PLEKHG7: variants seen among roughly 807,000 people sequenced by gnomAD.
PLEKHG7 encodes pleckstrin homology and RhoGEF domain containing G7.
A neutral mutation model predicts 85.2 loss-of-function variants in PLEKHG7; 77 were observed. The ratio of observed to expected loss-of-function variants is 0.90; its 90% CI spans 0.75 to 1.09. PLEKHG7 has a LOEUF of 1.09. Ranked by LOEUF, PLEKHG7 falls within the 50% of genes least tolerant of loss-of-function variation. The pLI is 0.00. For synonymous variants in PLEKHG7, 301 were observed against 302.4 expected, an observed-to-expected ratio of 1.00 and a Z score of 0.05; for missense variants, 777 against 804.3, an observed-to-expected ratio of 0.97 and a Z score of 0.41.
intron 5 of PLEKHG7, among the ~76,000 whole-genome samples, chr12:92,733,425 A>C (rs1222792260): frequency 6.6e-6 from 1 of 152,150 alleles, no homozygotes; most frequent in Admixed American, 6.5e-5. Flanking sequence ...TTTTTTTCCC[A>C]AAAATAAAAC....
At chr12:92,739,061 CAAA>C (rs1252477744) in intron 7 of PLEKHG7, among the ~76,000 whole-genome samples, 2 of 152,144 alleles carry the variant, frequency 1.3e-5, no homozygotes, top group Non-Finnish European at 2.9e-5. Flanking sequence ...CAAAACAAAA[CAAA>C]ACAACATTTC....
At chr12:92,704,374 T>C (rs1305819651) in intron 1 of PLEKHG7, among the ~76,000 whole-genome samples, 1 of 152,206 alleles carries the variant, frequency 6.6e-6, no homozygotes, top group East Asian at 1.9e-4. Flanking sequence ...TGTACCTTAT[T>C]TTATCAATGG....
At chr12:92,748,407 T>A (rs1287386547) in intron 10 of PLEKHG7, among the ~76,000 whole-genome samples, 1 of 152,088 alleles carries the variant, frequency 6.6e-6, no homozygotes, top group Non-Finnish European at 1.5e-5. Flanking sequence ...CCACCGTGCC[T>A]GGCAAATTTT....
At chr12:92,756,474 G>A in intron 13 of PLEKHG7, 83 bp downstream of exon 13, 1 of 1,100,218 alleles carries the variant, frequency 9.1e-7, no homozygotes, top group Non-Finnish European at 1.4e-6. Flanking sequence ...AGAGCAGGAG[G>A]ACTTGTGTTT....
chr12:92,770,386 C>G lies in PLEKHG7; in HGVS notation c.*191C>G. 5.9e-6 allele frequency: 3 copies of G among 512,050 alleles called. No homozygotes were observed. Among genetic ancestry groups the G allele is most frequent in the South Asian group, 5.7e-5 (2 of 35,250 alleles). 31.7% of individuals were successfully genotyped at this position (512,050 alleles called of 1,614,324 possible). ...ATAATGACTGCAACAAATTTGAACT[C>G]TGAGGAATTTCTTGACAAATATATA... is the stretch of plus-strand genomic sequence containing the variant. On this transcript the variant is annotated 3_prime_UTR_variant, in exon 17 of 17. Coordinates refer to ENST00000344636, the MANE Select transcript of PLEKHG7 (RefSeq NM_001377329.1).
Position 92,736,577 on chromosome 12 carries a change from G to A in PLEKHG7, c.795G>A (p.Lys265=). The change falls in exon 6 of 17, where the codon AAG becomes AAA. Residue 265 remains lysine, a splice_region_variant and synonymous_variant. Transcript: ENST00000344636. ...SFRGYDFYGL[K]DKTWDEVLET... is the part of the protein sequence containing the mutation. Reference sequence around the variant, plus strand: ...GGGGCTATGACTTCTACGGTCTTAAGGTATCTTTCAAACTGTTAACTATGG... The same window carrying A: ...GGGGCTATGACTTCTACGGTCTTAAAGTATCTTTCAAACTGTTAACTATGG... The A allele has an allele frequency of 1.6e-6, 2 of 1,224,694 alleles. No individual in the cohort carries two copies. Among genetic ancestry groups the A allele is most frequent in the Non-Finnish European group, 2.0e-6 (2 of 981,240 alleles). The allele number at this position is 1,224,694 out of a possible 1,614,324, so 75.9% of individuals were successfully genotyped here.
intron 3 of PLEKHG7, chr12:92,708,674 G>A (rs550233468): frequency 1.3e-5 from 2 of 152,208 alleles, no homozygotes; most frequent in African/African-American, 4.8e-5. Context: ...GGCTCCCATG[G>A]GTCCATGGGA....
intron 4 of PLEKHG7, among the ~76,000 whole-genome samples, chr12:92,729,711 G>A (rs1022692065): frequency 6.6e-6 from 1 of 152,168 alleles, no homozygotes; most frequent in African/African-American, 2.4e-5. Flanking sequence ...AGAGCTAAGA[G>A]GAGACTTAAG....
intron 7 of PLEKHG7, among the ~76,000 whole-genome samples, chr12:92,739,767 T>C (rs1872294476): frequency 6.6e-6 from 1 of 152,206 alleles, no homozygotes; most frequent in Non-Finnish European, 1.5e-5. Context: ...ATAGCAAAAG[T>C]AGTATTTCTT....
At chr12:92,751,454 C>T (rs913150395) in intron 10 of PLEKHG7, among the ~76,000 whole-genome samples, 14 of 152,152 alleles carry the variant, frequency 9.2e-5, no homozygotes, top group Admixed American at 3.3e-4. Context: ...CAACCTCTGC[C>T]TACCGGGTTC....
intron 5 of PLEKHG7, among the ~76,000 whole-genome samples, chr12:92,733,126 T>A (rs890935883): frequency 1.3e-5 from 2 of 152,162 alleles, no homozygotes; most frequent in African/African-American, 4.8e-5. Context: ...CATCGCTAAA[T>A]AAAAAGCCCT....
chr12:92,764,605 G>A (rs1873134769), intron 15 of PLEKHG7, among the ~76,000 whole-genome samples: 2 of 151,852 alleles, frequency 1.3e-5, no homozygotes, highest in South Asian at 4.2e-4. Flanking sequence ...GCAAGAGTAA[G>A]ATATTTTATT....
intron 3 of PLEKHG7, among the ~76,000 whole-genome samples, chr12:92,715,335 G>T (rs930086701): frequency 1.3e-5 from 2 of 151,908 alleles, no homozygotes. Flanking sequence ...GCCTTCCCCC[G>T]CCCACTGACT....
At chr12:92,762,062 A>C (rs1873051490) in intron 14 of PLEKHG7, among the ~76,000 whole-genome samples, 1 of 152,224 alleles carries the variant, frequency 6.6e-6, no homozygotes. Flanking sequence ...TTTCTCAAGG[A>C]TGTCAAAAGA....
chr12:92,723,812 G>A (rs1408820315), intron 3 of PLEKHG7, among the ~76,000 whole-genome samples: 9 of 152,090 alleles, frequency 5.9e-5, no homozygotes, highest in Non-Finnish European at 1.0e-4. Context: ...AGGGGTTGGG[G>A]AAGATGAATC....
chr12:92,743,722 A>G (rs10859377), intron 9 of PLEKHG7, among the ~76,000 whole-genome samples: 81,152 of 151,912 alleles, frequency 0.53, 22,540 homozygotes, highest in East Asian at 0.9. Context: ...ACCATGCCCA[A>G]CTAATTTTTG....
At chr12:92,760,731 T>C (rs1872963112) in intron 13 of PLEKHG7, among the ~76,000 whole-genome samples, 1 of 152,088 alleles carries the variant, frequency 6.6e-6, no homozygotes, top group South Asian at 2.1e-4. Context: ...ACTATTCCCT[T>C]CTTAGGGAAA....
chr12:92,706,557 C>T lies in PLEKHG7; in HGVS notation c.-75C>T, dbSNP rs748353479. Reference sequence around the variant, plus strand: ...GCACTTGGATGCAGAAATTGAGCACCCTCCATGTGATCCAGAGAACAGCAA... The same window carrying T: ...GCACTTGGATGCAGAAATTGAGCACTCTCCATGTGATCCAGAGAACAGCAA... On this transcript the variant is annotated 5_prime_UTR_variant, in exon 2 of 17. Transcript: ENST00000344636. The T allele has an allele frequency of 1.2e-4, 182 of 1,499,482 alleles. No homozygotes were observed. The highest frequency in any genetic ancestry group is 1.5e-4 in the Non-Finnish European group (172 of 1,126,052). The allele number at this position is 1,499,482 out of a possible 1,614,324, so 92.9% of individuals were successfully genotyped here. A position where few individuals can be genotyped will look rare whatever the true frequency, so the allele number is the denominator to read the frequency against.
chr12:92,711,378 C>A (rs1373041922), intron 3 of PLEKHG7, among the ~76,000 whole-genome samples: 1 of 151,286 alleles, frequency 6.6e-6, no homozygotes, highest in Admixed American at 6.6e-5. Flanking sequence ...GAGTGGAGAC[C>A]ATGAGCATTT....
Sources: gnomAD v4.1 joint callset for allele counts (sites outside exome capture counted in the v4.1 genomes callset) on GRCh38, gnomAD v4.1.1 for gene constraint, MANE v1.5 for transcripts, NCBI Gene and HGNC (gene_info 2026-07-23, HGNC 2026-07-21) for gene names.